The following ARFGEF1 variants were observed in gnomAD, a reference collection of about 807,000 sequenced individuals.
The protein encoded by ARFGEF1 is ARF guanine nucleotide exchange factor 1.
Under a neutral mutation model 231.0 loss-of-function variants are expected in ARFGEF1, and 42 were observed. That is an observed-to-expected ratio of 0.18 (90% confidence interval 0.14 to 0.24). The LOEUF (loss-of-function observed/expected upper bound fraction) is 0.24. Ranked by LOEUF, ARFGEF1 falls within the 10% of genes least tolerant of loss-of-function variation. ARFGEF1 has a pLI of 1.00. For missense variants in ARFGEF1, 1,345 were observed against 2,192.0 expected (o/e 0.61, Z 7.72); for synonymous variants, 710 against 732.3 (o/e 0.97, Z 0.49).
At chr8:67,286,261 C>A (rs968264875) in intron 7 of ARFGEF1, among the ~76,000 whole-genome samples, 2 of 152,192 alleles carry the variant, frequency 1.3e-5, no homozygotes, top group Admixed American at 1.3e-4. Flanking sequence ...ATAGCAAAAT[C>A]GTTAACCACT....
chr8:67,302,906 T>TAAA (rs139020447), intron 1 of ARFGEF1, among the ~76,000 whole-genome samples: 67 of 102,018 alleles, frequency 6.6e-4, no homozygotes, highest in Middle Eastern at 5.8e-3. Context: ...CCCCATCTCT[T>TAAA]AAAAAAAAAA....
At chr8:67,266,338 T>C (rs1804850250) in intron 13 of ARFGEF1, 131 bp from the exon 14 acceptor site, 1 of 668,368 alleles carries the variant, frequency 1.5e-6, no homozygotes, top group Non-Finnish European at 2.6e-6. Context: ...AAAATAACTA[T>C]TAGGTAACAT....
intron 5 of ARFGEF1, among the ~76,000 whole-genome samples, chr8:67,182,452 T>C (rs1376969918): frequency 6.6e-6 from 1 of 152,232 alleles, no homozygotes; most frequent in Non-Finnish European, 1.5e-5. Flanking sequence ...TGAATAGGTG[T>C]ACAATTATCT....
chr8:67,267,835 T>C (rs1219249753), intron 10 of ARFGEF1, among the ~76,000 whole-genome samples: 2 of 152,208 alleles, frequency 1.3e-5, no homozygotes, highest in Non-Finnish European at 2.9e-5. Flanking sequence ...GACGTTCTAG[T>C]ACTGAGAGGC....
intron 35 of ARFGEF1, 77 bp from the exon 36 acceptor site, chr8:67,203,328 A>C: frequency 1.3e-6 from 2 of 1,504,626 alleles, no homozygotes; most frequent in Non-Finnish European, 1.8e-6. Flanking sequence ...ATGCTCCCCA[A>C]AGACCAGTTT....
chr8:67,343,087 GACCCCACCCCCCCACAGGC>G, intron 1 of ARFGEF1, 58 bp downstream of exon 1: 2 of 971,350 alleles, frequency 2.1e-6, no homozygotes, highest in East Asian at 3.1e-5. Context: ...AGCCCCGGGC[GACCCCACCCCCCCACAGGC>G]GCCCCCCTCC....
intron 10 of ARFGEF1, among the ~76,000 whole-genome samples, chr8:67,271,025 C>CAAAAAAA (rs36063944): frequency 1.8e-3 from 64 of 35,894 alleles, no homozygotes; most frequent in Admixed American, 2.9e-3. Flanking sequence ...ACTCCATCTC[C>CAAAAAAA]AAAAAAAAAA....
chr8:67,190,769 A>G (rs1244166444), intron 5 of ARFGEF1: 1 of 1,570,272 alleles, frequency 6.4e-7, no homozygotes, highest in Non-Finnish European at 8.8e-7. Flanking sequence ...TGTATGTATG[A>G]GACTTTTCTC....
chr8:67,327,540 A>AG (rs1807892520), intron 1 of ARFGEF1, among the ~76,000 whole-genome samples: 1 of 152,016 alleles, frequency 6.6e-6, no homozygotes, highest in Non-Finnish European at 1.5e-5. Flanking sequence ...GGCTGGTCTC[A>AG]AACTCCTGAC....
At chr8:67,281,550 T>C (rs931855650) in intron 7 of ARFGEF1, among the ~76,000 whole-genome samples, 5 of 152,056 alleles carry the variant, frequency 3.3e-5, no homozygotes, top group African/African-American at 1.2e-4. Context: ...ATGAATATCC[T>C]TGCCATCATT....
intron 23 of ARFGEF1, among the ~76,000 whole-genome samples, chr8:67,228,726 T>C (rs550811131): frequency 6.6e-6 from 1 of 152,214 alleles, no homozygotes; most frequent in East Asian, 1.9e-4. Flanking sequence ...TGACTTAATA[T>C]AACCTTGCAA....
At chr8:67,257,536 T>C (rs1587147743) in intron 17 of ARFGEF1, among the ~76,000 whole-genome samples, 196 bp downstream of exon 17, 1 of 150,184 alleles carries the variant, frequency 6.7e-6, no homozygotes, top group African/African-American at 2.5e-5. Context: ...AAACATTTTA[T>C]AGATACCTAA....
chr8:67,341,589 CCT>C (rs376210155), intron 1 of ARFGEF1, among the ~76,000 whole-genome samples: 17 of 152,104 alleles, frequency 1.1e-4, no homozygotes, highest in African/African-American at 3.1e-4. Context: ...AGAGCAAGCC[CCT>C]GTCTCAAAAA....
intron 33 of ARFGEF1, among the ~76,000 whole-genome samples, chr8:67,215,545 A>G (rs1371048040): frequency 6.6e-6 from 1 of 152,246 alleles, no homozygotes; most frequent in Non-Finnish European, 1.5e-5. Flanking sequence ...TAATGTCTTC[A>G]TAAAACAAAA....
At chr8:67,204,956 C>A (rs1219137264) in intron 34 of ARFGEF1, 137 bp from the exon 35 acceptor site, 10 of 998,664 alleles carry the variant, frequency 1.0e-5, no homozygotes, top group Non-Finnish European at 1.5e-5. Flanking sequence ...ACTGCTTTTG[C>A]ACACAGGCAC....
chr8:67,266,258 A>C (rs1356551432), intron 13 of ARFGEF1, 51 bp from the exon 14 acceptor site: 2 of 1,490,568 alleles, frequency 1.3e-6, no homozygotes, highest in Non-Finnish European at 1.8e-6. Context: ...AGAAAAAAAA[A>C]AGTGTAAGGG....
intron 3 of ARFGEF1, 117 bp downstream of exon 3, chr8:67,301,107 T>A (rs1305676035): frequency 1.5e-5 from 15 of 1,017,062 alleles, no homozygotes; most frequent in Non-Finnish European, 2.1e-5. Context: ...TTGGATTTTT[T>A]ACCACAAAAA....
chr8:67,222,258 TGTATGTATG>T (rs1839219981), intron 29 of ARFGEF1, among the ~76,000 whole-genome samples: 1 of 142,786 alleles, frequency 7.0e-6, no homozygotes, highest in African/African-American at 2.6e-5. Context: ...TATGTATGTA[TGTATGTATG>T]TATTTTTTTT....
At chr8:67,311,068 G>C (rs1807005624) in intron 1 of ARFGEF1, among the ~76,000 whole-genome samples, 1 of 146,898 alleles carries the variant, frequency 6.8e-6, no homozygotes, top group African/African-American at 2.5e-5. Flanking sequence ...TGGGAAGTGA[G>C]GAGCCCCTCT....
Sources: allele counts gnomAD v4.1 joint callset (sites outside exome capture counted in the v4.1 genomes callset), GRCh38; gene constraint gnomAD v4.1.1; transcripts MANE v1.5; gene names NCBI Gene and HGNC (gene_info 2026-07-23, HGNC 2026-07-21).